The following NRG1 variants were observed in gnomAD, a reference collection of about 807,000 sequenced individuals.
NRG1 encodes neuregulin 1, also known as pro-neuregulin-1, membrane-bound isoform.
A neutral mutation model predicts 63.8 loss-of-function variants in NRG1; 18 were observed. That is an observed-to-expected ratio of 0.28 (90% CI 0.19 to 0.42). NRG1 has a LOEUF of 0.42. NRG1 is among the 10% of genes least tolerant of loss of function. NRG1 has a pLI of 1.00. For synonymous variants in NRG1, 302 were observed against 301.3 expected, an observed-to-expected ratio of 1.00 and a Z score of -0.02; for missense variants, 762 against 814.7, an observed-to-expected ratio of 0.94 and a Z score of 0.79.
chr8:31,926,307 G>C (rs1834354275), intron 1 of NRG1, among the ~76,000 whole-genome samples: 1 of 151,960 alleles, frequency 6.6e-6, no homozygotes. Context: ...GGAAAGCTCT[G>C]AGCTACTGTT....
chr8:32,026,180 T>G (rs1250257289), intron 1 of NRG1: 1 of 151,582 alleles, frequency 6.6e-6, no homozygotes, highest in Non-Finnish European at 1.5e-5. Context: ...GCCATTCTCC[T>G]GCCTCAGACC....
At chr8:32,134,577 G>C (rs1285137437) in intron 1 of NRG1, among the ~76,000 whole-genome samples, 3 of 152,034 alleles carry the variant, frequency 2.0e-5, no homozygotes, top group African/African-American at 7.2e-5. Context: ...TATTTATCAT[G>C]CCAAGTACTA....
At position 31,924,023 on chromosome 8, in the gene NRG1, A is replaced by G. The variant is rs146926776; in HGVS notation, c.37+284592A>G. On this transcript the variant is annotated intron_variant, in intron 1 of 10. Coordinates refer to the NRG1 transcript ENST00000519301. The stretch of plus-strand genomic sequence containing the variant: ...TATTACACTTAAGATAATGGCCTCC[A>G]GCTCCATCTTTGTTGCAAGTTGGTG... 2.6e-4 allele frequency among the ~76,000 whole-genome samples: 40 copies of G among 152,298 alleles called. No individual in the cohort carries two copies. In the East Asian group the frequency reaches 7.3e-3, roughly 28 times the overall value.
chr8:32,570,096 C>T (rs918789078), intron 1 of NRG1, among the ~76,000 whole-genome samples: 1 of 151,616 alleles, frequency 6.6e-6, no homozygotes, highest in African/African-American at 2.4e-5. Context: ...TTAGTAGAGA[C>T]GGGATTTTTA....
intron 1 of NRG1, among the ~76,000 whole-genome samples, chr8:32,114,813 A>G (rs1360423875): frequency 1.3e-5 from 2 of 152,006 alleles, no homozygotes; most frequent in African/African-American, 4.8e-5. Flanking sequence ...ATGGTTTTAT[A>G]GCACAGTGGG....
At chr8:32,714,077 G>A (rs534788904) in intron 5 of NRG1, among the ~76,000 whole-genome samples, 3 of 152,052 alleles carry the variant, frequency 2.0e-5, no homozygotes, top group African/African-American at 4.8e-5. Context: ...TGCCGACCTC[G>A]GCCTCCCAAA....
chr8:31,675,717 A>G (rs929540381), intron 1 of NRG1, among the ~76,000 whole-genome samples: 12 of 152,220 alleles, frequency 7.9e-5, no homozygotes, highest in African/African-American at 2.7e-4. Context: ...TCCTAAATGT[A>G]GTAATAACAC....
rs36074483 is a variant in NRG1 at position 31,648,124 on chromosome 8, C to CTTTTTTTTTTTTT, written c.37+8708_37+8720dup. On this transcript the variant is annotated intron_variant, in intron 1 of 10. Transcript: ENST00000519301. Reference sequence around the variant, plus strand: ...TTCTGTCTTTACAAATTTGACTACTCTTTTTTTTTTTTTTTTTTTTTTTTT... The same window carrying CTTTTTTTTTTTTT: ...TTCTGTCTTTACAAATTTGACTACTCTTTTTTTTTTTTTTTTTTTTTTTTTTTTTTTTTTTTTT... Among the ~76,000 whole-genome samples the CTTTTTTTTTTTTT allele has an allele frequency of 7.8e-4, 40 of 51,306 alleles. 8 individuals are homozygous for CTTTTTTTTTTTTT. The highest frequency in any genetic ancestry group is 3.2e-3 in the African/African-American group (35 of 10,808). The allele number at this position is 51,306 out of a possible 152,430, so 33.7% of individuals were successfully genotyped here.
intron 1 of NRG1, among the ~76,000 whole-genome samples, chr8:31,925,654 T>C (rs1834299380): frequency 6.6e-6 from 1 of 152,052 alleles, no homozygotes; most frequent in Non-Finnish European, 1.5e-5. Flanking sequence ...ACCATTTTTA[T>C]TTTTTTCTCA....
intron 1 of NRG1, among the ~76,000 whole-genome samples, chr8:31,939,162 C>G (rs1454458674): frequency 6.6e-6 from 1 of 152,082 alleles, no homozygotes. Flanking sequence ...AGCTCTGAGG[C>G]AAAAGCGTCA....
At chr8:32,122,773 G>A (rs977894074) in intron 1 of NRG1, among the ~76,000 whole-genome samples, 57 of 146,116 alleles carry the variant, frequency 3.9e-4, no homozygotes, top group African/African-American at 1.3e-3. Context: ...ATCCCTCCCC[G>A]CTCCCCCCAC....
chr8:32,754,362 C>T lies in NRG1; in HGVS notation c.692-10C>T, dbSNP rs1192813055. The T allele has an allele frequency of 6.2e-7, 1 of 1,612,864 alleles. No individual in the cohort carries two copies. The highest frequency in any genetic ancestry group is 1.7e-5 in the Admixed American group (1 of 59,914). On this transcript the variant is annotated splice_polypyrimidine_tract_variant and intron_variant, in intron 7 of 11. Transcript: ENST00000356819. ...GACCTGTGATGACATCTGCTCTCAT[C>T]CCTTTCCAGAGGCGGAGGAGCTGTA...
intron 1 of NRG1, among the ~76,000 whole-genome samples, chr8:31,717,622 A>G (rs1812488033): frequency 6.6e-6 from 1 of 152,134 alleles, no homozygotes. Context: ...AAGCTGTATC[A>G]TCCAATGCTA....
chr8:31,713,149 C>T (rs1811982153), intron 1 of NRG1, among the ~76,000 whole-genome samples: 1 of 128,100 alleles, frequency 7.8e-6, no homozygotes, highest in Non-Finnish European at 1.6e-5. Context: ...CGGAGTCTCG[C>T]TTTGTCGCCC....
intron 1 of NRG1, among the ~76,000 whole-genome samples, chr8:32,533,196 T>C (rs35891179): frequency 0.054 from 8,262 of 152,038 alleles, 298 homozygotes; most frequent in Middle Eastern, 0.086. Context: ...TTTCCCAAAA[T>C]GATAACATTT....
At chr8:32,676,996 A>T (rs1238521459) in intron 5 of NRG1, among the ~76,000 whole-genome samples, 1 of 152,194 alleles carries the variant, frequency 6.6e-6, no homozygotes, top group African/African-American at 2.4e-5. Flanking sequence ...TTATATAAAA[A>T]GTAAAGATTT....
chr8:32,551,942 G>A (rs545269205), intron 1 of NRG1, among the ~76,000 whole-genome samples: 16 of 130,020 alleles, frequency 1.2e-4, no homozygotes, highest in African/African-American at 3.9e-4. Flanking sequence ...ACGGAGTCTC[G>A]CTCTGTCGCC....
chr8:31,920,985 A>G (rs1833865338), intron 1 of NRG1, among the ~76,000 whole-genome samples: 1 of 152,162 alleles, frequency 6.6e-6, no homozygotes, highest in African/African-American at 2.4e-5. Flanking sequence ...CTATTGTACT[A>G]TCTATGCTTT....
At chr8:31,753,152 T>G (rs1816650498) in intron 1 of NRG1, among the ~76,000 whole-genome samples, 1 of 152,110 alleles carries the variant, frequency 6.6e-6, no homozygotes, top group African/African-American at 2.4e-5. Flanking sequence ...TATCTCAGTA[T>G]TATTTTTTAC....
Sources: allele counts gnomAD v4.1 joint callset (sites outside exome capture counted in the v4.1 genomes callset), GRCh38; gene constraint gnomAD v4.1.1; transcripts MANE v1.5; gene names NCBI Gene and HGNC (gene_info 2026-07-23, HGNC 2026-07-21).